CHODL: variants seen among roughly 807,000 people sequenced by gnomAD.
CHODL encodes the protein transmembrane protein MT75.
In CHODL, 29 loss-of-function variants were observed where a neutral mutation model predicts 34.5. The ratio of observed to expected loss-of-function variants is 0.84; its 90% CI spans 0.63 to 1.15. The LOEUF is 1.15. Among genes scored for constraint, CHODL ranks in the 50% most tolerant of loss-of-function variants. The pLI is 0.00. For synonymous variants in CHODL, 125 were observed against 116.1 expected (o/e 1.08, Z -0.49); for missense variants, 332 against 332.5 (o/e 1.00, Z 0.01).
At chr21:18,263,100 G>A (rs2074402470) in intron 5 of CHODL, among the ~76,000 whole-genome samples, 2 of 152,084 alleles carry the variant, frequency 1.3e-5, no homozygotes, top group African/African-American at 4.8e-5. Flanking sequence ...TTACCCTTCT[G>A]TTTGTATTTC....
chr21:18,142,532 T>C (rs1036526998), intron 2 of CHODL, among the ~76,000 whole-genome samples: 5 of 152,178 alleles, frequency 3.3e-5, no homozygotes, highest in African/African-American at 1.2e-4. Context: ...GGTGCAGTGT[T>C]AAGTCCCAGT....
intron 1 of CHODL, among the ~76,000 whole-genome samples, chr21:17,933,518 G>T (rs547200979): frequency 1.3e-5 from 2 of 152,282 alleles, no homozygotes; most frequent in South Asian, 4.2e-4. Context: ...TTAACCCTGA[G>T]TTGACACAGC....
At chr21:18,108,582 G>C (rs1000251386) in intron 2 of CHODL, among the ~76,000 whole-genome samples, 6 of 152,152 alleles carry the variant, frequency 3.9e-5, no homozygotes. Flanking sequence ...AGGATGGGAA[G>C]TATATGAAGG....
rs1428557313 is a variant in CHODL at position 18,262,903 on chromosome 21, T to A, written c.737+10T>A. 4 of 1,473,988 alleles carry A rather than the reference T, an allele frequency of 2.7e-6. No individual in the cohort carries two copies. The highest frequency in any genetic ancestry group is 3.8e-6 in the Non-Finnish European group (4 of 1,053,820). The allele number at this position is 1,473,988 out of a possible 1,614,324, so 91.3% of individuals were successfully genotyped here. ...AGATGCTGCATAAAAGGTAAATAAC[T>A]CATATATGTAGAGACAATTTGAAAA... On this transcript the variant is annotated intron_variant, in intron 5 of 5. Transcript: ENST00000299295.
intron 2 of CHODL, among the ~76,000 whole-genome samples, chr21:18,107,514 G>A (rs1044504852): frequency 1.3e-5 from 2 of 152,188 alleles, no homozygotes; most frequent in Non-Finnish European, 2.9e-5. Context: ...GAACTTAGTC[G>A]CATCTGTCCA....
At chr21:18,180,156 TG>T (rs1363659369) in intron 2 of CHODL, among the ~76,000 whole-genome samples, 1 of 152,214 alleles carries the variant, frequency 6.6e-6, no homozygotes, top group Non-Finnish European at 1.5e-5. Context: ...ACATCCTTTT[TG>T]TTTGTTTGTT....
chr21:18,092,331 A>G (rs2065084007), intron 2 of CHODL, among the ~76,000 whole-genome samples: 1 of 152,214 alleles, frequency 6.6e-6, no homozygotes, highest in South Asian at 2.1e-4. Flanking sequence ...GTCCCCTTAA[A>G]TACTTGGAAA....
intron 1 of CHODL, among the ~76,000 whole-genome samples, chr21:17,983,404 A>G (rs1382547289): frequency 6.6e-6 from 1 of 152,160 alleles, no homozygotes; most frequent in Non-Finnish European, 1.5e-5. Context: ...TAAAAATGGT[A>G]TTTTTCTAAT....
chr21:17,955,466 G>A (rs957939752), intron 1 of CHODL, among the ~76,000 whole-genome samples: 1 of 136,868 alleles, frequency 7.3e-6, no homozygotes, highest in Non-Finnish European at 1.7e-5. Flanking sequence ...TTTAAGCTCC[G>A]CTGTTTTATT....
intron 2 of CHODL, among the ~76,000 whole-genome samples, chr21:18,159,099 G>A (rs574237751): frequency 1.3e-5 from 2 of 152,124 alleles, no homozygotes; most frequent in African/African-American, 2.4e-5. Context: ...TTTTTACCCC[G>A]GGGATATTTG....
At chr21:18,124,836 C>G (rs1340496607) in intron 2 of CHODL, among the ~76,000 whole-genome samples, 3 of 152,194 alleles carry the variant, frequency 2.0e-5, no homozygotes, top group African/African-American at 7.2e-5. Flanking sequence ...TGCATTTTCT[C>G]ACTTAGTTCT....
At chr21:18,193,128 G>C (rs765247002) in intron 2 of CHODL, among the ~76,000 whole-genome samples, 2 of 152,058 alleles carry the variant, frequency 1.3e-5, no homozygotes, top group Non-Finnish European at 2.9e-5. Context: ...ATACTGACTA[G>C]CATTAGAATT....
intron 2 of CHODL, among the ~76,000 whole-genome samples, chr21:18,111,147 A>G (rs1031361948): frequency 5.3e-5 from 8 of 152,154 alleles, no homozygotes; most frequent in African/African-American, 1.9e-4. Context: ...AATTTCTGCA[A>G]CAGGACATAC....
chr21:18,167,461 C>G (rs960792856), intron 2 of CHODL, among the ~76,000 whole-genome samples: 3 of 151,824 alleles, frequency 2.0e-5, no homozygotes, highest in African/African-American at 7.3e-5. Flanking sequence ...AGGCGACCAC[C>G]ACCACGCCCG....
At chr21:18,174,157 A>ATCTTGG (rs1555879241) in intron 2 of CHODL, among the ~76,000 whole-genome samples, 89 of 87,902 alleles carry the variant, frequency 1.0e-3, no homozygotes, top group Non-Finnish European at 1.4e-3. Context: ...ATATATATAT[A>ATCTTGG]TATAAAATCA....
In CHODL at chr21:18,028,045, C is replaced by T. The variant is rs140871533; in HGVS notation, c.-45+74C>T. 706 of 152,408 alleles carry T rather than the reference C, an allele frequency of 4.6e-3. 5 individuals carry two copies. Among genetic ancestry groups the T allele is most frequent in the Non-Finnish European group, 8.2e-3 (559 of 68,014 alleles). 9.4% of individuals were successfully genotyped at this position (152,408 alleles called of 1,614,324 possible). On this transcript the variant is annotated intron_variant, in intron 2 of 6. Transcript: ENST00000400127. ...TTATAGGAGCTCAAACTGACTAAGA[C>T]ACAGTTCCTTTAAACAGTATCAATA...
At chr21:18,081,373 A>G (rs957917494) in intron 2 of CHODL, among the ~76,000 whole-genome samples, 1 of 152,052 alleles carries the variant, frequency 6.6e-6, no homozygotes, top group Admixed American at 6.6e-5. Context: ...TTACAGTACT[A>G]TGTTGAATAA....
At chr21:18,023,847 G>A (rs1309693416) in intron 1 of CHODL, among the ~76,000 whole-genome samples, 1 of 152,094 alleles carries the variant, frequency 6.6e-6, no homozygotes, top group Non-Finnish European at 1.5e-5. Flanking sequence ...TGGCTTTCCT[G>A]GAAAGAATTG....
At chr21:17,965,474 C>A (rs562817156) in intron 1 of CHODL, among the ~76,000 whole-genome samples, 1 of 152,128 alleles carries the variant, frequency 6.6e-6, no homozygotes, top group Admixed American at 6.5e-5. Flanking sequence ...CTTCCTCCTT[C>A]TTATTATTAT....
Sources: allele counts gnomAD v4.1 joint callset (sites outside exome capture counted in the v4.1 genomes callset), GRCh38; gene constraint gnomAD v4.1.1; transcripts MANE v1.5; gene names NCBI Gene and HGNC (gene_info 2026-07-23, HGNC 2026-07-21).